FHIT: variants seen among roughly 807,000 people sequenced by gnomAD.
FHIT encodes fragile histidine triad diadenosine triphosphatase.
A neutral mutation model predicts 17.9 loss-of-function variants in FHIT; 19 were observed. The observed-to-expected ratio is 1.06, with a 90% CI of 0.74 to 1.56. The LOEUF (loss-of-function observed/expected upper bound fraction) is 1.56. Ranked by LOEUF, FHIT falls within the 40% of genes most tolerant of loss-of-function variation. The pLI, the probability that FHIT is intolerant of heterozygous loss-of-function variation, is 0.00. For synonymous variants in FHIT, 81 were observed against 69.7 expected (o/e 1.16, Z -0.81); for missense variants, 248 against 189.2 (o/e 1.31, Z -1.82).
At chr3:60,662,204 G>A (rs1479517620) in intron 4 of FHIT, among the ~76,000 whole-genome samples, 1 of 152,162 alleles carries the variant, frequency 6.6e-6, no homozygotes, top group Non-Finnish European at 1.5e-5. Context: ...ACCATCTTGA[G>A]TTGATTTTTG....
intron 4 of FHIT, among the ~76,000 whole-genome samples, chr3:60,607,161 C>A (rs565334332): frequency 6.6e-5 from 10 of 152,164 alleles, no homozygotes; most frequent in African/African-American, 1.9e-4. Flanking sequence ...CAAGGAAGGG[C>A]AAATAATCAT....
intron 4 of FHIT, among the ~76,000 whole-genome samples, chr3:60,675,381 A>T (rs923386171): frequency 1.3e-5 from 2 of 152,186 alleles, no homozygotes; most frequent in Non-Finnish European, 2.9e-5. Flanking sequence ...TATTTCTCTT[A>T]CCATGTTCTC....
At chr3:60,596,815 C>T (rs2038286908) in intron 4 of FHIT, among the ~76,000 whole-genome samples, 1 of 152,136 alleles carries the variant, frequency 6.6e-6, no homozygotes, top group Non-Finnish European at 1.5e-5. Context: ...CATGCTGGCT[C>T]TTACCATCAT....
chr3:59,966,383 CTT>C (rs1162991749), intron 7 of FHIT, among the ~76,000 whole-genome samples: 1 of 152,170 alleles, frequency 6.6e-6, no homozygotes, highest in African/African-American at 2.4e-5. Flanking sequence ...ATAAATATCT[CTT>C]TATCAAAAGA....
chr3:59,801,402 T>C (rs1266446219), intron 8 of FHIT, among the ~76,000 whole-genome samples: 1 of 151,840 alleles, frequency 6.6e-6, no homozygotes, highest in East Asian at 1.9e-4. Flanking sequence ...AATAAAAGAC[T>C]GGATGCCAAT....
chr3:60,017,603 T>A (rs1700393314), intron 5 of FHIT, among the ~76,000 whole-genome samples: 4 of 152,228 alleles, frequency 2.6e-5, no homozygotes, highest in Admixed American at 1.3e-4. Context: ...ATGATTCATA[T>A]CACAAGAGAC....
rs372140155 is a variant in FHIT at position 60,766,373 on chromosome 3, G to T, written c.-18+55546C>A. ...CTCTAACACCCAATCTGGGCAGCCT[G>T]TCCGGCTTACTGTCTCCATCTCTCC... On this transcript the variant is annotated intron_variant, in intron 4 of 9. Coordinates refer to ENST00000492590, the MANE Select transcript of FHIT (RefSeq NM_002012.4). Among the ~76,000 whole-genome samples, 234 of 152,270 alleles carry T rather than the reference G, an allele frequency of 1.5e-3. 3 individuals carry two copies. The highest frequency in any genetic ancestry group is 5.0e-3 in the African/African-American group (209 of 41,558).
At chr3:60,270,077 C>T (rs1706786504) in intron 5 of FHIT, among the ~76,000 whole-genome samples, 1 of 152,110 alleles carries the variant, frequency 6.6e-6, no homozygotes, top group Non-Finnish European at 1.5e-5. Context: ...ATTCTCAGTC[C>T]AGAGAATTTG....
intron 4 of FHIT, among the ~76,000 whole-genome samples, chr3:60,587,707 TG>T (rs2037951687): frequency 6.6e-6 from 1 of 152,052 alleles, no homozygotes; most frequent in Non-Finnish European, 1.5e-5. Flanking sequence ...CATTACCTGC[TG>T]CTTTATTAAT....
intron 5 of FHIT, among the ~76,000 whole-genome samples, chr3:60,512,377 C>T (rs1287357405): frequency 6.6e-6 from 1 of 152,210 alleles, no homozygotes. Flanking sequence ...CCCCACTCCT[C>T]ACCTGAATCA....
In FHIT at chr3:59,883,450, C is replaced by G. The variant is rs143902612; in HGVS notation, c.348+38896G>C. On this transcript the variant is annotated intron_variant, in intron 8 of 9. Transcript: ENST00000492590. ...GGTGGCAGGCAAGAGAGAATGAGAA[C>G]GAAGTGCAAGGGTTTTCCCCTTATA... Among the ~76,000 whole-genome samples, 1,424 of 152,244 alleles carry G rather than the reference C, an allele frequency of 9.4e-3. 18 individuals carry two copies. Among genetic ancestry groups the G allele is most frequent in the Admixed American group, 0.029 (443 of 15,290 alleles).
At chr3:60,799,481 T>C (rs1374461109) in intron 4 of FHIT, among the ~76,000 whole-genome samples, 3 of 138,234 alleles carry the variant, frequency 2.2e-5, no homozygotes, top group African/African-American at 7.3e-5. Flanking sequence ...GCCCAAAGTC[T>C]TTTTTTATAA....
chr3:60,458,586 A>T (rs2032260341), intron 5 of FHIT, among the ~76,000 whole-genome samples: 1 of 100,426 alleles, frequency 1.0e-5, no homozygotes, highest in Non-Finnish European at 2.3e-5. Context: ...CTTAAAGTGT[A>T]ATAATAATAA....
chr3:60,469,712 T>A (rs2032984168), intron 5 of FHIT, among the ~76,000 whole-genome samples: 1 of 152,150 alleles, frequency 6.6e-6, no homozygotes, highest in Non-Finnish European at 1.5e-5. Flanking sequence ...TTTGGGTGTT[T>A]GTCAGTGTCT....
In FHIT at chr3:60,115,218, T is replaced by C. The variant is rs184924761; in HGVS notation, c.104-101066A>G. On this transcript the variant is annotated intron_variant, in intron 5 of 9. Coordinates refer to ENST00000492590, the MANE Select transcript of FHIT (RefSeq NM_002012.4). ...AACTTTCAGCTCCCCAAAGCCATTA[T>C]CAATAAAATGAAGTGAAAGAATAGG... 2.4e-3 allele frequency among the ~76,000 whole-genome samples: 365 copies of C among 152,196 alleles called. 2 individuals carry two copies. Among genetic ancestry groups the C allele is most frequent in the Non-Finnish European group, 2.1e-3 (141 of 68,006 alleles).
intron 4 of FHIT, among the ~76,000 whole-genome samples, chr3:60,547,744 A>G (rs1192145587): frequency 1.3e-5 from 2 of 152,160 alleles, no homozygotes; most frequent in African/African-American, 4.8e-5. Context: ...CATAAAAGAA[A>G]CAATGAAAAG....
At chr3:59,958,682 G>A (rs1239195640) in intron 7 of FHIT, among the ~76,000 whole-genome samples, 1 of 152,160 alleles carries the variant, frequency 6.6e-6, no homozygotes, top group African/African-American at 2.4e-5. Context: ...GTTGGCTAGG[G>A]TTGCAAAATG....
intron 5 of FHIT, among the ~76,000 whole-genome samples, chr3:60,135,850 G>T (rs533563062): frequency 5.7e-4 from 87 of 152,224 alleles, no homozygotes; most frequent in African/African-American, 2.0e-3. Flanking sequence ...ATTCTTAATG[G>T]TGTCTGTTTC....
At chr3:59,819,385 G>A (rs530157000) in intron 8 of FHIT, among the ~76,000 whole-genome samples, 3 of 152,114 alleles carry the variant, frequency 2.0e-5, no homozygotes, top group African/African-American at 4.8e-5. Context: ...GTTATTTTCC[G>A]TGAGACAATA....
Sources: gnomAD v4.1 joint callset for allele counts (sites outside exome capture counted in the v4.1 genomes callset) on GRCh38, gnomAD v4.1.1 for gene constraint, MANE v1.5 for transcripts, NCBI Gene and HGNC (gene_info 2026-07-23, HGNC 2026-07-21) for gene names.